Variants in KAZN observed in about 807,000 individuals in gnomAD.
KAZN encodes kazrin, periplakin interacting protein, also known as kazrin.
In KAZN, 40 loss-of-function variants were observed where a neutral mutation model predicts 87.4. The observed-to-expected ratio is 0.46, with a 90% CI of 0.36 to 0.60. The LOEUF is 0.60. Ranked by LOEUF, KAZN falls within the 20% of genes least tolerant of loss-of-function variation. The pLI, the probability that KAZN is intolerant of heterozygous loss-of-function variation, is 0.00. For synonymous variants in KAZN, 466 were observed against 458.3 expected (o/e 1.02, Z -0.22); for missense variants, 898 against 1,073.9 (o/e 0.84, Z 2.29).
intron 2 of KAZN, among the ~76,000 whole-genome samples, chr1:14,570,856 A>G (rs907982772): frequency 3.1e-4 from 47 of 152,282 alleles, no homozygotes; most frequent in Non-Finnish European, 6.5e-4. Flanking sequence ...GCAATACGGG[A>G]AAGTTCTAGT....
rs150336166 is a variant in KAZN, at chr1:14,953,482, T to A, written c.227-7202T>A. Among the ~76,000 whole-genome samples the A allele has an allele frequency of 9.8e-5, 15 of 152,326 alleles. No individual in the cohort carries two copies. In the East Asian group the frequency reaches 2.9e-3, roughly 29 times the overall value. ...TGTGACCTTGGCCAAGCCATTTAACTCCTCTGTGATTCAACTTCCCCATCT... is the reference window on the plus strand; with the variant it reads ...TGTGACCTTGGCCAAGCCATTTAACACCTCTGTGATTCAACTTCCCCATCT... On this transcript the variant is annotated intron_variant, in intron 1 of 14. Coordinates refer to ENST00000376030, the MANE Select transcript of KAZN (RefSeq NM_201628.3).
chr1:14,487,256 A>G (rs1032295450), intron 2 of KAZN, among the ~76,000 whole-genome samples: 2 of 152,242 alleles, frequency 1.3e-5, no homozygotes, highest in Non-Finnish European at 2.9e-5. Context: ...CAAACATTAC[A>G]GTAAAGTTTT....
intron 2 of KAZN, among the ~76,000 whole-genome samples, chr1:14,330,881 C>G (rs1217794127): frequency 2.6e-5 from 4 of 152,274 alleles, no homozygotes; most frequent in African/African-American, 9.6e-5. Flanking sequence ...CACTACCTGA[C>G]AAGTTCAACC....
chr1:14,951,759 G>A (rs1206233910), intron 1 of KAZN, among the ~76,000 whole-genome samples: 1 of 152,124 alleles, frequency 6.6e-6, no homozygotes, highest in Non-Finnish European at 1.5e-5. Flanking sequence ...ATTAAGGCAT[G>A]AGCCACCATA....
chr1:14,375,425 T>C (rs762437271), intron 2 of KAZN, among the ~76,000 whole-genome samples: 8 of 152,184 alleles, frequency 5.3e-5, no homozygotes, highest in Non-Finnish European at 1.2e-4. Context: ...GTGTCTTGTA[T>C]TTAGAGCCAT....
chr1:14,363,484 G>A (rs927137254), intron 2 of KAZN, among the ~76,000 whole-genome samples: 2 of 152,182 alleles, frequency 1.3e-5, no homozygotes, highest in Non-Finnish European at 2.9e-5. Flanking sequence ...TACATGGGAG[G>A]AACACAGAAG....
chr1:14,439,456 G>A (rs926796742), intron 2 of KAZN, among the ~76,000 whole-genome samples: 7 of 152,126 alleles, frequency 4.6e-5, no homozygotes, highest in African/African-American at 1.7e-4. Flanking sequence ...AAGCCAGAAT[G>A]TCTCTTCTCT....
intron 2 of KAZN, among the ~76,000 whole-genome samples, chr1:14,484,279 A>G (rs1273939313): frequency 6.6e-6 from 1 of 152,216 alleles, no homozygotes; most frequent in Admixed American, 6.5e-5. Context: ...CTATTGCACA[A>G]CGGTGTGGCT....
chr1:14,319,111 A>G lies in KAZN; in HGVS notation c.249+138519A>G, dbSNP rs551403731. Among the ~76,000 whole-genome samples the G allele has an allele frequency of 3.4e-5, 5 of 148,054 alleles. No individual in the cohort carries two copies. The South Asian group carries it at 8.6e-4, about 25-fold the overall frequency. On this transcript the variant is annotated intron_variant, in intron 2 of 16. Transcript: ENST00000636203. ...TTCCTACTTCTTGGCCTGTCAGGTA[A>G]TTTTTTATTGAATGTTGGAAATTGT...
chr1:14,786,277 C>T (rs1645506097), intron 1 of KAZN, among the ~76,000 whole-genome samples: 1 of 152,046 alleles, frequency 6.6e-6, no homozygotes, highest in Non-Finnish European at 1.5e-5. Flanking sequence ...ATAGCTCAGG[C>T]GCCTGCTCTC....
chr1:14,518,242 A>C (rs1049951881), intron 2 of KAZN, among the ~76,000 whole-genome samples: 34 of 134,076 alleles, frequency 2.5e-4, no homozygotes, highest in Non-Finnish European at 4.2e-4. Flanking sequence ...GTGCAGTGGC[A>C]CAATCTCCAC....
chr1:14,059,950 A>G (rs951589263), intron 1 of KAZN, among the ~76,000 whole-genome samples: 2 of 152,208 alleles, frequency 1.3e-5, no homozygotes, highest in African/African-American at 4.8e-5. Flanking sequence ...CTGGAAGCCT[A>G]TCCTCAAGTC....
At chr1:14,652,738 C>T (rs1638529771) in intron 1 of KAZN, among the ~76,000 whole-genome samples, 1 of 142,390 alleles carries the variant, frequency 7.0e-6, no homozygotes, top group South Asian at 2.4e-4. Context: ...TCCGTTAATC[C>T]ATCCATCCAT....
chr1:14,929,125 A>G (rs1390717335), intron 1 of KAZN, among the ~76,000 whole-genome samples: 3 of 152,236 alleles, frequency 2.0e-5, no homozygotes, highest in African/African-American at 7.2e-5. Context: ...TTGGACAGGA[A>G]TCTGTGTGAT....
At chr1:14,149,079 C>G (rs1319105447) in intron 1 of KAZN, among the ~76,000 whole-genome samples, 4 of 118,850 alleles carry the variant, frequency 3.4e-5, no homozygotes, top group South Asian at 3.2e-4. Context: ...TCCTTCCTTC[C>G]TTCCTTCCTT....
chr1:14,732,805 TG>T (rs781001991), intron 1 of KAZN, among the ~76,000 whole-genome samples: 2 of 152,040 alleles, frequency 1.3e-5, no homozygotes, highest in Non-Finnish European at 2.9e-5. Context: ...GGCCCTACGG[TG>T]CCATGAGAAA....
At chr1:14,001,035 G>A (rs990022416) in intron 1 of KAZN, among the ~76,000 whole-genome samples, 7 of 152,020 alleles carry the variant, frequency 4.6e-5, no homozygotes, top group Non-Finnish European at 1.0e-4. Flanking sequence ...GCCCGCCTCA[G>A]CCTCCCAAAG....
chr1:14,062,932 G>A (rs1470307374), intron 1 of KAZN, among the ~76,000 whole-genome samples: 1 of 152,156 alleles, frequency 6.6e-6, no homozygotes, highest in Non-Finnish European at 1.5e-5. Flanking sequence ...GGCCACATCT[G>A]TCTCCATGAA....
chr1:15,010,737 T>C (rs1043209953), intron 2 of KAZN, among the ~76,000 whole-genome samples: 4 of 152,116 alleles, frequency 2.6e-5, no homozygotes, highest in African/African-American at 9.7e-5. Context: ...GACACCTGAA[T>C]CCAGACATTC....
Sources: gnomAD v4.1 joint callset for allele counts (sites outside exome capture counted in the v4.1 genomes callset) on GRCh38, gnomAD v4.1.1 for gene constraint, MANE v1.5 for transcripts, NCBI Gene and HGNC (gene_info 2026-07-23, HGNC 2026-07-21) for gene names.